ZCCHC7: variants seen among roughly 807,000 people sequenced by gnomAD.
ZCCHC7 encodes the protein zinc finger CCHC-type containing 7.
In ZCCHC7, 35 loss-of-function variants were observed where a neutral mutation model predicts 52.0. The ratio of observed to expected loss-of-function variants is 0.67; its 90% CI spans 0.51 to 0.89. The LOEUF is 0.89. ZCCHC7 is among the 40% of genes least tolerant of loss of function. The probability of loss-of-function intolerance (pLI) is 0.00; values close to 1 mark genes in which losing one functional copy is unlikely to be tolerated. For missense variants in ZCCHC7, 574 were observed against 649.1 expected (o/e 0.88, Z 1.26); for synonymous variants, 217 against 221.5 (o/e 0.98, Z 0.18).
At chr9:37,157,677 A>G (rs1820889555) in intron 2 of ZCCHC7, among the ~76,000 whole-genome samples, 1 of 152,260 alleles carries the variant, frequency 6.6e-6, no homozygotes, top group South Asian at 2.1e-4. Flanking sequence ...AATAACTAAC[A>G]GATATGTGAA....
intron 2 of ZCCHC7, among the ~76,000 whole-genome samples, chr9:37,179,953 A>C (rs1430097963): frequency 6.6e-6 from 1 of 152,222 alleles, no homozygotes; most frequent in Admixed American, 6.5e-5. Flanking sequence ...AGTGCATAGT[A>C]AATTAGGGTA....
At chr9:37,293,472 T>G (rs1013387770) in intron 2 of ZCCHC7, among the ~76,000 whole-genome samples, 1 of 152,176 alleles carries the variant, frequency 6.6e-6, no homozygotes, top group African/African-American at 2.4e-5. Flanking sequence ...TTTTTAAAAG[T>G]AGCTTCTTGA....
chr9:37,199,441 C>G (rs1399030756), intron 2 of ZCCHC7, among the ~76,000 whole-genome samples: 1 of 150,630 alleles, frequency 6.6e-6, no homozygotes, highest in Non-Finnish European at 1.5e-5. Flanking sequence ...AAGCGATTCT[C>G]CTGCCTCAGC....
intron 2 of ZCCHC7, among the ~76,000 whole-genome samples, chr9:37,282,611 A>G (rs1828017217): frequency 6.6e-6 from 1 of 150,932 alleles, no homozygotes; most frequent in Non-Finnish European, 1.5e-5. Flanking sequence ...TCTCAAAAAA[A>G]AAAAAAAAAA....
chr9:37,227,510 A>G (rs145642153), intron 2 of ZCCHC7, among the ~76,000 whole-genome samples: 2 of 152,334 alleles, frequency 1.3e-5, no homozygotes, highest in East Asian at 3.9e-4. Context: ...GATAGTCATA[A>G]TGAAGAATTA....
intron 2 of ZCCHC7, among the ~76,000 whole-genome samples, chr9:37,222,342 T>TGG (rs1824866210): frequency 6.8e-6 from 1 of 147,998 alleles, no homozygotes; most frequent in African/African-American, 2.5e-5. Flanking sequence ...TGTGTGTGTG[T>TGG]GTGTGTGTGT....
intron 5 of ZCCHC7, among the ~76,000 whole-genome samples, chr9:37,320,827 G>T (rs924535831): frequency 1.3e-5 from 2 of 152,140 alleles, no homozygotes; most frequent in Non-Finnish European, 2.9e-5. Flanking sequence ...AGCATTCCAT[G>T]AGATTTAGAA....
intron 1 of ZCCHC7, chr9:37,121,503 G>T (rs1842315666): frequency 6.6e-6 from 1 of 152,098 alleles, no homozygotes; most frequent in Admixed American, 6.5e-5. Context: ...TTCTAGGACC[G>T]TTAGAGAAAT....
intron 5 of ZCCHC7, among the ~76,000 whole-genome samples, chr9:37,310,208 C>CCTGCA (rs1361640509): frequency 6.6e-6 from 1 of 152,168 alleles, no homozygotes; most frequent in East Asian, 1.9e-4. Context: ...CTAAAGTCAA[C>CCTGCA]CTGCATCATT....
chr9:37,285,701 C>G (rs1588612995), intron 2 of ZCCHC7, among the ~76,000 whole-genome samples: 1 of 152,168 alleles, frequency 6.6e-6, no homozygotes, highest in Non-Finnish European at 1.5e-5. Context: ...GTGACTCAGA[C>G]AGATGACAAT....
chr9:37,187,993 A>G (rs573662792), intron 2 of ZCCHC7, among the ~76,000 whole-genome samples: 12 of 152,156 alleles, frequency 7.9e-5, no homozygotes, highest in Non-Finnish European at 1.6e-4. Context: ...TGCAAGTGAA[A>G]CTTAAGAATT....
chr9:37,271,638 C>T (rs942879127), intron 2 of ZCCHC7, among the ~76,000 whole-genome samples: 11 of 152,180 alleles, frequency 7.2e-5, no homozygotes, highest in East Asian at 1.9e-4. Flanking sequence ...GGCACAATCT[C>T]GGCTCACTGC....
In ZCCHC7 at chr9:37,356,994, A is replaced by G. The variant is rs1821742379; in HGVS notation, c.1358A>G (p.Lys453Arg). Residue 453 changes from lysine (K) to arginine (R), a missense_variant, in exon 9 of 9, where the codon AAG becomes AGG. Physicochemically the swap from Lys to Arg is conservative, Grantham distance 26. This residue lies in a region of ZCCHC7 where 168 missense variants were observed against 171.6 expected (regional missense o/e 0.98). Coordinates refer to ENST00000336755, the MANE Select transcript of ZCCHC7 (RefSeq NM_032226.3). ...GAAACACAAAAAGAAATGAAGAACA[A>G]GAATAGAAACTGGGAGAAGCACAGG... Reference protein sequence around the residue: ...NKETQKEMKNKNRNWEKHRKA... With the variant: ...NKETQKEMKNRNRNWEKHRKA... 1 of 1,613,812 alleles carries G rather than the reference A, an allele frequency of 6.2e-7. No homozygotes were observed. The highest frequency in any genetic ancestry group is 8.5e-7 in the Non-Finnish European group (1 of 1,179,938).
At chr9:37,315,219 CA>C (rs1203580551) in intron 5 of ZCCHC7, among the ~76,000 whole-genome samples, 2 of 151,640 alleles carry the variant, frequency 1.3e-5, no homozygotes, top group East Asian at 1.9e-4. Flanking sequence ...ATAAAGTATA[CA>C]TACCAGGCTC....
intron 6 of ZCCHC7, among the ~76,000 whole-genome samples, chr9:37,336,037 C>T (rs1369018034): frequency 6.6e-6 from 1 of 152,086 alleles, no homozygotes; most frequent in Non-Finnish European, 1.5e-5. Context: ...CATAAACATA[C>T]CCCAATTAGA....
chr9:37,354,511 C>T lies in ZCCHC7; in HGVS notation c.1084-199C>T, dbSNP rs1564275490. Among the ~76,000 whole-genome samples the T allele has an allele frequency of 1.3e-5, 2 of 152,182 alleles. No homozygotes were observed. Among genetic ancestry groups the T allele is most frequent in the Admixed American group, 6.5e-5 (1 of 15,276 alleles). ...AAGAAGTAAGGGAAGAAAACTCAAG[C>T]TTGAAAGAATATCATAACACAGTGG... On this transcript the variant is annotated intron_variant, in intron 7 of 8. Coordinates refer to ENST00000336755, the MANE Select transcript of ZCCHC7 (RefSeq NM_032226.3). This position sits in a 1 kb window ranked among gnomAD's most constrained non-coding sequence, Gnocchi z 4.0.
At chr9:37,274,331 C>CTTTTTTTTTT (rs10653910) in intron 2 of ZCCHC7, among the ~76,000 whole-genome samples, 1 of 76,668 alleles carries the variant, frequency 1.3e-5, no homozygotes, top group African/African-American at 5.4e-5. Flanking sequence ...TATCTAATTT[C>CTTTTTTTTTT]TTTTTTTTTT....
intron 2 of ZCCHC7, chr9:37,187,190 T>C (rs1194496626): frequency 6.6e-6 from 1 of 152,308 alleles, no homozygotes; most frequent in African/African-American, 2.4e-5. Flanking sequence ...ATAATACATC[T>C]TTTCAACTGT....
At chr9:37,227,490 T>C (rs1197458422) in intron 2 of ZCCHC7, among the ~76,000 whole-genome samples, 1 of 152,202 alleles carries the variant, frequency 6.6e-6, no homozygotes, top group African/African-American at 2.4e-5. Context: ...AACAAGAACT[T>C]GTATACATTG....
Sources: allele counts gnomAD v4.1 joint callset (sites outside exome capture counted in the v4.1 genomes callset), GRCh38; gene constraint gnomAD v4.1.1; regional missense constraint gnomAD v4.1.1; non-coding constraint Gnocchi (gnomAD v3.1); transcripts MANE v1.5; gene names NCBI Gene and HGNC (gene_info 2026-07-23, HGNC 2026-07-21).